CARMIL1: variants seen among roughly 807,000 people sequenced by gnomAD.
CARMIL1 encodes the protein capping protein regulator and myosin 1 linker 1.
Under a neutral mutation model 177.1 loss-of-function variants are expected in CARMIL1, and 90 were observed. The observed-to-expected ratio is 0.51, with a 90% CI of 0.43 to 0.61. The LOEUF is 0.61. CARMIL1 is among the 20% of genes least tolerant of loss of function. The probability of loss-of-function intolerance (pLI) is 0.00; values close to 1 mark genes in which losing one functional copy is unlikely to be tolerated. For synonymous variants in CARMIL1, 577 were observed against 606.2 expected, an observed-to-expected ratio of 0.95 and a Z score of 0.71; for missense variants, 1,380 against 1,667.0, an observed-to-expected ratio of 0.83 and a Z score of 3.00.
intron 2 of CARMIL1, among the ~76,000 whole-genome samples, chr6:25,390,764 C>T (rs866889558): frequency 3.3e-5 from 5 of 151,716 alleles, no homozygotes; most frequent in Middle Eastern, 3.4e-3. Flanking sequence ...GATCTCGGCT[C>T]ATTGTCACCT....
At chr6:25,593,063 T>C (rs781156642) in intron 31 of CARMIL1, among the ~76,000 whole-genome samples, 1 of 152,160 alleles carries the variant, frequency 6.6e-6, no homozygotes, top group Non-Finnish European at 1.5e-5. Context: ...TGCTTCTGGA[T>C]TTCCCACAAT....
intron 2 of CARMIL1, among the ~76,000 whole-genome samples, chr6:25,305,526 A>G (rs777158563): frequency 3.3e-5 from 5 of 152,230 alleles, no homozygotes; most frequent in Non-Finnish European, 5.9e-5. Flanking sequence ...TGAGCAGATA[A>G]AACAAATAGC....
At chr6:25,494,039 A>C (rs899262367) in intron 15 of CARMIL1, among the ~76,000 whole-genome samples, 1 of 151,034 alleles carries the variant, frequency 6.6e-6, no homozygotes, top group African/African-American at 2.4e-5. Flanking sequence ...TTAAAAAAAA[A>C]CCTGTCAAAT....
chr6:25,341,486 G>T (rs1360124991), intron 2 of CARMIL1, among the ~76,000 whole-genome samples: 1 of 152,210 alleles, frequency 6.6e-6, no homozygotes, highest in African/African-American at 2.4e-5. Flanking sequence ...CACTTTGGGA[G>T]GCTGAGGCGG....
At chr6:25,335,417 T>C (rs917372516) in intron 2 of CARMIL1, among the ~76,000 whole-genome samples, 1 of 152,252 alleles carries the variant, frequency 6.6e-6, no homozygotes, top group East Asian at 1.9e-4. Context: ...TTCTATATTC[T>C]GGAAAATGCT....
At chr6:25,369,335 C>T (rs1008596426) in intron 2 of CARMIL1, among the ~76,000 whole-genome samples, 7 of 150,966 alleles carry the variant, frequency 4.6e-5, no homozygotes, top group South Asian at 4.2e-4. Flanking sequence ...ACCCATTGAT[C>T]GCTCTTGCAG....
At chr6:25,476,329 A>G (rs1801574113) in intron 11 of CARMIL1, among the ~76,000 whole-genome samples, 1 of 152,144 alleles carries the variant, frequency 6.6e-6, no homozygotes, top group South Asian at 2.1e-4. Context: ...TGCTCCTGCC[A>G]AGTCTGTTGT....
At position 25,520,248 on chromosome 6, in the gene CARMIL1, T is replaced by C; in HGVS notation, c.1879T>C (p.Tyr627His). ...ATTATTTTCTCCTTTTTCTAGGAAC[T>C]ACACATTAAGATTTATGCCAATTCC... The part of the protein sequence containing the change: ...QDIAVAMEKN[Y>H]TLRFMPIPMY... The change falls in exon 23 of 37, where the codon TAC becomes CAC. Residue 627 changes from tyrosine (Y) to histidine (H), a missense_variant. Physicochemically the swap from Tyr to His is moderately conservative, Grantham distance 83. Coordinates refer to ENST00000329474, the MANE Select transcript of CARMIL1 (RefSeq NM_017640.6). 1 of 1,495,388 alleles carries C rather than the reference T, an allele frequency of 6.7e-7. No individual in the cohort carries two copies. 92.6% of individuals were successfully genotyped at this position (1,495,388 alleles called of 1,614,324 possible).
intron 29 of CARMIL1, 55 bp downstream of exon 29, chr6:25,556,905 T>C (rs75060156): frequency 5.6e-6 from 5 of 886,564 alleles, no homozygotes; most frequent in South Asian, 1.8e-5. Flanking sequence ...TGTGCCATTG[T>C]TTTTTTTTTT....
intron 8 of CARMIL1, among the ~76,000 whole-genome samples, chr6:25,464,870 C>T (rs549998495): frequency 6.6e-6 from 1 of 152,148 alleles, no homozygotes; most frequent in South Asian, 2.1e-4. Context: ...TGAAATTGCA[C>T]ATCATGTTAG....
chr6:25,564,624 T>C (rs999795684), intron 29 of CARMIL1, among the ~76,000 whole-genome samples: 13 of 152,180 alleles, frequency 8.5e-5, no homozygotes, highest in Non-Finnish European at 1.2e-4. Context: ...CGATGGATTG[T>C]GCCATGTGTC....
chr6:25,393,311 C>G (rs1793059133), intron 2 of CARMIL1: 1 of 151,914 alleles, frequency 6.6e-6, no homozygotes, highest in South Asian at 2.1e-4. Context: ...AATCCCAGCA[C>G]TTTGGGAGGT....
At chr6:25,427,002 G>A (rs925886149) in intron 4 of CARMIL1, among the ~76,000 whole-genome samples, 2 of 152,224 alleles carry the variant, frequency 1.3e-5, no homozygotes, top group Non-Finnish European at 2.9e-5. Flanking sequence ...TTTGATAAGT[G>A]TTGACATATG....
At chr6:25,544,606 T>TACACAC (rs3034120) in intron 26 of CARMIL1, among the ~76,000 whole-genome samples, 1,897 of 142,482 alleles carry the variant, frequency 0.013, 15 homozygotes, top group African/African-American at 0.023. Context: ...GTTACTAGAC[T>TACACAC]ACACACACAC....
chr6:25,479,342 AATAG>A, intron 11 of CARMIL1: 3 of 444,080 alleles, frequency 6.8e-6, no homozygotes, highest in South Asian at 1.8e-5. Flanking sequence ...TGTTTCCTTG[AATAG>A]ATAGAGAACT....
intron 29 of CARMIL1, among the ~76,000 whole-genome samples, chr6:25,565,634 G>A (rs567899282): frequency 6.6e-6 from 1 of 152,250 alleles, no homozygotes; most frequent in South Asian, 2.1e-4. Context: ...ATCATGAGGT[G>A]AGGAGATCGA....
chr6:25,439,898 TAGAA>T (rs1797579695), intron 5 of CARMIL1, among the ~76,000 whole-genome samples: 1 of 152,174 alleles, frequency 6.6e-6, no homozygotes, highest in African/African-American at 2.4e-5. Flanking sequence ...GAGTGATCAG[TAGAA>T]AGAGAGATTT....
rs12055631 is a variant in CARMIL1, at chr6:25,337,612, G to T, written c.138+52703G>T. 2.6e-5 allele frequency among the ~76,000 whole-genome samples: 4 copies of T among 152,334 alleles called. No individual in the cohort carries two copies. The East Asian group carries it at 5.8e-4, about 22-fold the overall frequency. On this transcript the variant is annotated intron_variant, in intron 2 of 36. Coordinates refer to ENST00000329474, the MANE Select transcript of CARMIL1 (RefSeq NM_017640.6). ...TGTATGGTGGTGTTCTCTGAAAGGT[G>T]CTATAGAGAAAACACAAGTGTGAAG... is the stretch of plus-strand genomic sequence containing the variant.
chr6:25,599,224 C>T (rs539627959), intron 32 of CARMIL1, among the ~76,000 whole-genome samples: 5 of 152,256 alleles, frequency 3.3e-5, no homozygotes, highest in Admixed American at 1.3e-4. Flanking sequence ...CAGAGGTGCC[C>T]GCGTCTCCTC....
Sources: gnomAD v4.1 joint callset for allele counts (sites outside exome capture counted in the v4.1 genomes callset) on GRCh38, gnomAD v4.1.1 for gene constraint, MANE v1.5 for transcripts, NCBI Gene and HGNC (gene_info 2026-07-23, HGNC 2026-07-21) for gene names.